The following MMS22L variants were observed in gnomAD, a reference collection of about 807,000 sequenced individuals.
MMS22L encodes the protein protein MMS22-like.
In MMS22L, 74 loss-of-function variants were observed where a neutral mutation model predicts 159.1. That is an observed-to-expected ratio of 0.47 (90% confidence interval 0.39 to 0.56). MMS22L has a LOEUF of 0.56. MMS22L is among the 20% of genes least tolerant of loss of function. MMS22L has a pLI of 0.00. For missense variants in MMS22L, 1,351 were observed against 1,422.1 expected (o/e 0.95, Z 0.80); for synonymous variants, 517 against 506.9 (o/e 1.02, Z -0.27).
chr6:97,189,175 C>G (rs9400635), intron 14 of MMS22L, among the ~76,000 whole-genome samples: 27,862 of 150,928 alleles, frequency 0.18, 2,991 homozygotes, highest in East Asian at 0.52. Flanking sequence ...CCACCTTTGA[C>G]CTCTCCACAA....
chr6:97,168,487 A>C (rs1431454909), intron 19 of MMS22L, among the ~76,000 whole-genome samples: 5 of 152,076 alleles, frequency 3.3e-5, no homozygotes, highest in Non-Finnish European at 7.4e-5. Context: ...TAATATATAC[A>C]CTGGTTAAGT....
At chr6:97,216,486 T>A (rs1053639172) in intron 14 of MMS22L, among the ~76,000 whole-genome samples, 2 of 152,228 alleles carry the variant, frequency 1.3e-5, no homozygotes, top group Middle Eastern at 6.3e-3. Flanking sequence ...AATGCCAGTT[T>A]ATCATACTGA....
At chr6:97,275,289 G>A (rs1457753704) in intron 4 of MMS22L, among the ~76,000 whole-genome samples, 1 of 152,232 alleles carries the variant, frequency 6.6e-6, no homozygotes, top group African/African-American at 2.4e-5. Context: ...AGCACTTTGG[G>A]AGGCTGAGGC....
chr6:97,142,491 T>A lies in MMS22L; in HGVS notation c.*4315A>T, dbSNP rs1238414113. On this transcript the variant is annotated 3_prime_UTR_variant, in exon 25 of 25. Transcript: ENST00000683635. ...TATATTGGCATACTATACTCTTGCCTGACAGGCAATATTTTTAACTCTAAG... is the reference window on the plus strand; with the variant it reads ...TATATTGGCATACTATACTCTTGCCAGACAGGCAATATTTTTAACTCTAAG... The A allele has an allele frequency of 6.6e-6, 1 of 152,510 alleles. No homozygotes were observed. The highest frequency in any genetic ancestry group is 2.4e-5 in the African/African-American group (1 of 41,466). The allele number at this position is 152,510 out of a possible 1,614,324, so 9.4% of individuals were successfully genotyped here.
chr6:97,165,189 A>G (rs899804494), intron 21 of MMS22L, 57 bp downstream of exon 21: 53 of 1,484,956 alleles, frequency 3.6e-5, no homozygotes, highest in Non-Finnish European at 4.9e-5. Flanking sequence ...CCACTTTATC[A>G]CTTTAATAGA....
intron 14 of MMS22L, among the ~76,000 whole-genome samples, chr6:97,220,343 T>C (rs1809497126): frequency 6.6e-6 from 1 of 152,206 alleles, no homozygotes; most frequent in East Asian, 1.9e-4. Context: ...TTCTACTGTG[T>C]CTATTAGAGT....
At chr6:97,277,157 G>C (rs545173071) in intron 4 of MMS22L, among the ~76,000 whole-genome samples, 1 of 152,282 alleles carries the variant, frequency 6.6e-6, no homozygotes, top group South Asian at 2.1e-4. Context: ...GCTCACGCCT[G>C]TAATCCCAGC....
Position 97,281,316 on chromosome 6 carries a change from T to C in MMS22L, c.211A>G (p.Thr71Ala). 6.2e-7 allele frequency: 1 copy of C among 1,609,498 alleles called. No individual in the cohort carries two copies. Among genetic ancestry groups the C allele is most frequent in the Non-Finnish European group, 8.5e-7 (1 of 1,178,026 alleles). The change falls in exon 3 of 25, where the codon ACC becomes GCC. Residue 71 changes from threonine to alanine, a missense_variant. By Grantham distance (58) the Thr-to-Ala change is moderately conservative. Transcript: ENST00000683635. ...CACTGAATGCCAAATATTTCCAAGG[T>C]ATCTTCTTCAAAATTAGTTGGTAAA... ...DPLPTNFEED[T>A]LEIFGIQWVT...
intron 10 of MMS22L, chr6:97,253,494 T>C (rs1428715283): frequency 6.8e-6 from 1 of 147,124 alleles, no homozygotes; most frequent in Non-Finnish European, 1.5e-5. Context: ...GGTGTCTCAC[T>C]CTGTTGCCCA....
chr6:97,231,587 C>T lies in MMS22L; in HGVS notation c.1368G>A (p.Leu456=), dbSNP rs1316196701. The T allele has an allele frequency of 6.2e-7, 1 of 1,613,592 alleles. No individual in the cohort carries two copies. Among genetic ancestry groups the T allele is most frequent in the Non-Finnish European group, 8.5e-7 (1 of 1,179,864 alleles). ...KGLANTMKSP[L]SMLEMVKTCC... is the part of the protein sequence containing the mutation. ...AAGTCTTCACCATTTCAAGCATAGA[C>T]AAGGGTGACTTCATGGTATTAGCAA... Residue 456 remains leucine, a synonymous_variant, in exon 13 of 25, where the codon TTG becomes TTA. Coordinates refer to ENST00000683635, the MANE Select transcript of MMS22L (RefSeq NM_001350599.2).
At chr6:97,210,269 C>A (rs1478918428) in intron 14 of MMS22L, among the ~76,000 whole-genome samples, 1 of 151,890 alleles carries the variant, frequency 6.6e-6, no homozygotes, top group Admixed American at 6.6e-5. Flanking sequence ...ATAAAAAGTG[C>A]TTAATATGCA....
intron 22 of MMS22L, among the ~76,000 whole-genome samples, chr6:97,155,808 C>G (rs1801776380): frequency 6.6e-6 from 1 of 152,134 alleles, no homozygotes; most frequent in Non-Finnish European, 1.5e-5. Flanking sequence ...GTACATGTGT[C>G]TTTTTAGTAG....
chr6:97,268,023 G>A (rs753327937), intron 7 of MMS22L, 21 bp from the exon 8 acceptor site: 2 of 1,475,276 alleles, frequency 1.4e-6, no homozygotes, highest in Non-Finnish European at 1.8e-6. Context: ...AATAAAAATA[G>A]TTTTAAAATA....
chr6:97,170,149 T>C (rs941294514), intron 19 of MMS22L, among the ~76,000 whole-genome samples: 1 of 152,182 alleles, frequency 6.6e-6, no homozygotes, highest in African/African-American at 2.4e-5. Flanking sequence ...ACAGCATACA[T>C]AGGATTGGTA....
At chr6:97,269,191 A>C (rs900625749) in intron 7 of MMS22L, among the ~76,000 whole-genome samples, 1 of 152,114 alleles carries the variant, frequency 6.6e-6, no homozygotes, top group Non-Finnish European at 1.5e-5. Flanking sequence ...GTAACCAAGA[A>C]ATTGCAGATA....
rs956731439 is a variant in MMS22L at position 97,246,145 on chromosome 6, A to G, written c.1182+483T>C. ...TCTGACCTCTAGGCCATGAAGCACT[A>G]CATTAACAGCTCTGCAGAAAGAAAA... On this transcript the variant is annotated intron_variant, in intron 11 of 24. Transcript: ENST00000683635. 6.6e-6 allele frequency: 3 copies of G among 454,364 alleles called. No individual in the cohort carries two copies. In the Admixed American group the frequency reaches 7.2e-5, roughly 11 times the overall value. 28.1% of individuals were successfully genotyped at this position (454,364 alleles called of 1,614,324 possible). A position where few individuals can be genotyped will look rare whatever the true frequency, so the allele number is the denominator to read the frequency against.
intron 22 of MMS22L, among the ~76,000 whole-genome samples, chr6:97,157,480 TGA>T (rs1801981299): frequency 6.6e-6 from 1 of 152,216 alleles, no homozygotes; most frequent in Admixed American, 6.5e-5. Flanking sequence ...CTTATTATTT[TGA>T]GACACGTTCC....
intron 10 of MMS22L, among the ~76,000 whole-genome samples, chr6:97,251,473 T>C (rs1813227239): frequency 6.6e-6 from 1 of 152,166 alleles, no homozygotes; most frequent in Non-Finnish European, 1.5e-5. Context: ...TTAAAAACCT[T>C]TAGGAAATCC....
At chr6:97,256,197 C>T (rs546710722) in intron 9 of MMS22L, among the ~76,000 whole-genome samples, 1 of 152,086 alleles carries the variant, frequency 6.6e-6, no homozygotes, top group Admixed American at 6.5e-5. Flanking sequence ...GTCTACTTTT[C>T]TTCTTTCAGT....
Sources: allele counts gnomAD v4.1 joint callset (sites outside exome capture counted in the v4.1 genomes callset), GRCh38; gene constraint gnomAD v4.1.1; transcripts MANE v1.5; gene names NCBI Gene and HGNC (gene_info 2026-07-23, HGNC 2026-07-21).